PCDHGA1: variants seen among roughly 807,000 people sequenced by gnomAD.
PCDHGA1 encodes the protein protocadherin gamma-A1.
Under a neutral mutation model 58.0 loss-of-function variants are expected in PCDHGA1, and 32 were observed. The ratio of observed to expected loss-of-function variants is 0.55; its 90% CI spans 0.42 to 0.74. The LOEUF is 0.74. Ranked by LOEUF, PCDHGA1 falls within the 30% of genes least tolerant of loss-of-function variation. The pLI is 0.00. For synonymous variants in PCDHGA1, 498 were observed against 501.1 expected, an observed-to-expected ratio of 0.99 and a Z score of 0.08; for missense variants, 1,205 against 1,182.3, an observed-to-expected ratio of 1.02 and a Z score of -0.28.
chr5:141,341,230 T>C (rs140756059), intron 1 of PCDHGA1: 105 of 1,614,098 alleles, frequency 6.5e-5, no homozygotes, highest in Middle Eastern at 3.3e-4. Flanking sequence ...TGCAGACCTA[T>C]TCCCACGAGG....
intron 1 of PCDHGA1, chr5:141,492,007 C>T (rs1261430567): frequency 3.0e-5 from 19 of 628,956 alleles, no homozygotes; most frequent in Non-Finnish European, 4.6e-5. Flanking sequence ...GCGATTTCCG[C>T]GGGTGTCGGG....
chr5:141,505,287 TG>T, intron 2 of PCDHGA1, 105 bp from the exon 3 acceptor site: 1 of 1,550,864 alleles, frequency 6.4e-7, no homozygotes, highest in Middle Eastern at 2.1e-4. Context: ...GTCTTGGGCA[TG>T]GGGTAGGGTT....
In PCDHGA1 at chr5:141,491,406, C is replaced by G. The variant is rs773729429; in HGVS notation, c.2422-3401C>G. On this transcript the variant is annotated intron_variant, in intron 1 of 3. Transcript: ENST00000517417. This position sits in a 1 kb window ranked among gnomAD's most constrained non-coding sequence, Gnocchi z 6.9. ...CGAAGTGCCTTCAGGGAAACGCAGA[C>G]GGGGACGGGGGTGGAGGGCAGTGCT... 9 of 1,613,978 alleles carry G rather than the reference C, an allele frequency of 5.6e-6. No homozygotes were observed.
intron 1 of PCDHGA1, chr5:141,346,470 ATTTC>A (rs1561492427): frequency 1.1e-5 from 17 of 1,613,752 alleles, no homozygotes; most frequent in Non-Finnish European, 1.4e-5. Context: ...GAGTTTATTT[ATTTC>A]TTTGATTATT....
chr5:141,477,504 A>T lies in PCDHGA1; in HGVS notation c.2422-17303A>T, dbSNP rs1396003792. Reference sequence around the variant, plus strand: ...CCACAATCTTCTCAATCTTCCTACGACGTTTACATTGAAGAAAACAACCTC... The same window carrying T: ...CCACAATCTTCTCAATCTTCCTACGTCGTTTACATTGAAGAAAACAACCTC... On this transcript the variant is annotated intron_variant, in intron 1 of 3. Coordinates refer to ENST00000517417, the MANE Select transcript of PCDHGA1 (RefSeq NM_018912.3). This position sits in a 1 kb window ranked among gnomAD's most constrained non-coding sequence, Gnocchi z 4.9. The T allele has an allele frequency of 4.3e-6, 7 of 1,613,982 alleles. No homozygotes were observed. In the Admixed American group the frequency reaches 8.3e-5, roughly 19 times the overall value.
At chr5:141,468,330 C>CAAAAA (rs533390277) in intron 1 of PCDHGA1, 4 of 79,848 alleles carry the variant, frequency 5.0e-5, no homozygotes, top group African/African-American at 7.8e-5. Context: ...AACTCCATCT[C>CAAAAA]AAAAAAAAAA....
intron 1 of PCDHGA1, among the ~76,000 whole-genome samples, chr5:141,349,368 G>T (rs1197530727): frequency 1.3e-5 from 2 of 152,044 alleles, no homozygotes; most frequent in East Asian, 1.9e-4. Context: ...CCAGCCTAGA[G>T]TATTTAATAT....
chr5:141,410,224 C>T, intron 1 of PCDHGA1: 2 of 1,614,028 alleles, frequency 1.2e-6, no homozygotes, highest in Non-Finnish European at 8.5e-7. Context: ...TACTGCCAGA[C>T]CTCAGCGACC....
chr5:141,363,428 A>G (rs1396844187), intron 1 of PCDHGA1, among the ~76,000 whole-genome samples: 2 of 152,214 alleles, frequency 1.3e-5, no homozygotes, highest in African/African-American at 4.8e-5. Context: ...CTGTCTCAAC[A>G]TAGAAAGGTC....
At chr5:141,360,338 T>C in intron 1 of PCDHGA1, 1 of 1,613,830 alleles carries the variant, frequency 6.2e-7, no homozygotes, top group East Asian at 2.2e-5. Flanking sequence ...AAGCTGCGGG[T>C]TAGCGCGGAG....
intron 1 of PCDHGA1, chr5:141,366,029 C>T (rs766110369): frequency 4.3e-6 from 7 of 1,614,260 alleles, no homozygotes; most frequent in Non-Finnish European, 5.9e-6. Context: ...GTACCCCGCC[C>T]TCCCCACAGA....
chr5:141,448,103 A>G (rs1252710550), intron 1 of PCDHGA1, among the ~76,000 whole-genome samples: 2 of 151,992 alleles, frequency 1.3e-5, no homozygotes, highest in Non-Finnish European at 2.9e-5. Context: ...AAAAAATTAA[A>G]AGAAAAGAAA....
intron 1 of PCDHGA1, chr5:141,376,333 G>A: frequency 6.2e-7 from 1 of 1,614,188 alleles, no homozygotes; most frequent in Non-Finnish European, 8.5e-7. Context: ...GGGCTTTCCT[G>A]CAGACCTATT....
chr5:141,445,446 G>T (rs2098467238), intron 1 of PCDHGA1, among the ~76,000 whole-genome samples: 1 of 152,264 alleles, frequency 6.6e-6, no homozygotes, highest in Admixed American at 6.5e-5. Flanking sequence ...ATGGACTAAG[G>T]ATGCAGCAAT....
chr5:141,407,125 T>C (rs1367266686), intron 1 of PCDHGA1, among the ~76,000 whole-genome samples: 1 of 152,254 alleles, frequency 6.6e-6, no homozygotes, highest in Non-Finnish European at 1.5e-5. Context: ...TTCAGTTGCT[T>C]TATTTTTAAG....
At chr5:141,478,050 C>G (rs2099429383) in intron 1 of PCDHGA1, 2 of 1,614,184 alleles carry the variant, frequency 1.2e-6, no homozygotes, top group South Asian at 2.2e-5. Context: ...CAGACTCTCA[C>G]GGTCTTGATC....
intron 1 of PCDHGA1, chr5:141,430,634 C>A: frequency 1.1e-6 from 1 of 882,730 alleles, no homozygotes; most frequent in Non-Finnish European, 1.7e-6. Flanking sequence ...TGAACCATCC[C>A]TGGGAGTATG....
chr5:141,421,277 T>C (rs761435958), intron 1 of PCDHGA1: 2 of 1,612,826 alleles, frequency 1.2e-6, no homozygotes, highest in Non-Finnish European at 1.7e-6. Flanking sequence ...CTGCTGCTGC[T>C]GTGCATTTTC....
At position 141,331,211 on chromosome 5, in the gene PCDHGA1, C is replaced by T. The variant is rs147674827; in HGVS notation, c.527C>T (p.Pro176Leu). Residue 176 changes from proline to leucine, a missense_variant, in exon 1 of 4, where the codon CCT becomes CTT. Coordinates refer to ENST00000517417, the MANE Select transcript of PCDHGA1 (RefSeq NM_018912.3). ...CAGAGCTACCAACTCAGCTCTAACC[C>T]TCATTTCTCCCTGGATGTGCAACAG... ...SLQSYQLSSN[P>L]HFSLDVQQGA... 85 of 1,614,000 alleles carry T rather than the reference C, an allele frequency of 5.3e-5. No homozygotes were observed. The highest frequency in any genetic ancestry group is 7.1e-5 in the Non-Finnish European group (84 of 1,180,038).
Sources: gnomAD v4.1 joint callset for allele counts (sites outside exome capture counted in the v4.1 genomes callset) on GRCh38, gnomAD v4.1.1 for gene constraint, Gnocchi (gnomAD v3.1) non-coding constraint, MANE v1.5 for transcripts, NCBI Gene and HGNC (gene_info 2026-07-23, HGNC 2026-07-21) for gene names.